Variants in PRELID2 observed in about 807,000 individuals in gnomAD.
PRELID2 encodes PRELI domain-containing protein 2.
A neutral mutation model predicts 28.4 loss-of-function variants in PRELID2; 25 were observed. That is an observed-to-expected ratio of 0.88 (90% CI 0.64 to 1.23). The LOEUF is 1.23. Ranked by LOEUF, PRELID2 falls within the 50% of genes most tolerant of loss-of-function variation. The pLI is 0.00. For synonymous variants in PRELID2, 76 were observed against 71.6 expected (o/e 1.06, Z -0.31); for missense variants, 201 against 214.4 (o/e 0.94, Z 0.39).
chr5:145,505,234 A>T (rs572096232), intron 1 of PRELID2, among the ~76,000 whole-genome samples: 1 of 152,208 alleles, frequency 6.6e-6, no homozygotes, highest in Non-Finnish European at 1.5e-5. Flanking sequence ...GAGAAAAAAC[A>T]CATTTACTAC....
At chr5:145,685,904 G>A (rs1443773896) in intron 1 of PRELID2, among the ~76,000 whole-genome samples, 3 of 152,120 alleles carry the variant, frequency 2.0e-5, no homozygotes, top group Admixed American at 6.6e-5. Flanking sequence ...TCTCCTCCAA[G>A]ATTTTCTGAG....
chr5:145,622,605 A>C (rs1362933101), intron 1 of PRELID2, among the ~76,000 whole-genome samples: 1 of 152,150 alleles, frequency 6.6e-6, no homozygotes, highest in Non-Finnish European at 1.5e-5. Flanking sequence ...AATAGCATAA[A>C]CTTGGGAGGG....
chr5:145,623,923 C>T (rs1445330457), intron 1 of PRELID2, among the ~76,000 whole-genome samples: 2 of 152,156 alleles, frequency 1.3e-5, no homozygotes, highest in African/African-American at 4.8e-5. Flanking sequence ...CACAAGACTG[C>T]CTTCATTTCA....
At chr5:145,308,225 G>A in the PRELID2 span, among the ~76,000 whole-genome samples, 2 of 152,046 alleles carry the variant, frequency 1.3e-5, no homozygotes, top group Non-Finnish European at 2.9e-5. Context: ...GCAGTCCCAG[G>A]ATATGCACAT....
the PRELID2 span, among the ~76,000 whole-genome samples, chr5:145,446,831 G>A: frequency 2.6e-5 from 4 of 152,066 alleles, no homozygotes; most frequent in African/African-American, 9.7e-5. Flanking sequence ...TGGATCACCT[G>A]AGATCAGGAG....
rs1462007196 is a variant in PRELID2, at chr5:145,740,617, T to TATATATAA, written n.70+24313_70+24314insTTATATAT. Among the ~76,000 whole-genome samples, 46 of 7,420 alleles carry TATATATAA rather than the reference T, an allele frequency of 6.2e-3. 1 individual carries two copies. In the South Asian group the frequency reaches 0.11, roughly 17 times the overall value. 4.9% of individuals were successfully genotyped at this position (7,420 alleles called of 152,430 possible). A position where few individuals can be genotyped will look rare whatever the true frequency, so the allele number is the denominator to read the frequency against. The stretch of plus-strand genomic sequence containing the variant: ...AATATATATATATTATATATATAAA[T>TATATATAA]ATATATATATTATATATATAAATAT... On this transcript the variant is annotated intron_variant and non_coding_transcript_variant, in intron 1 of 2. Coordinates refer to the PRELID2 transcript ENST00000510259.
At chr5:145,576,422 TC>T (rs1448667896) in intron 1 of PRELID2, among the ~76,000 whole-genome samples, 1 of 152,172 alleles carries the variant, frequency 6.6e-6, no homozygotes, top group African/African-American at 2.4e-5. Flanking sequence ...TCAAGGCTCA[TC>T]CATGTTGCAG....
chr5:145,738,942 G>A (rs2048913425), intron 1 of PRELID2, among the ~76,000 whole-genome samples: 1 of 152,162 alleles, frequency 6.6e-6, no homozygotes, highest in Non-Finnish European at 1.5e-5. Context: ...AAAACTGTGA[G>A]AGGGAAACAT....
At chr5:145,649,718 T>A (rs1269644513) in intron 1 of PRELID2, among the ~76,000 whole-genome samples, 3 of 152,216 alleles carry the variant, frequency 2.0e-5, no homozygotes, top group African/African-American at 7.2e-5. Context: ...AGTGATTGCA[T>A]TTCAAGGCTC....
intron 1 of PRELID2, among the ~76,000 whole-genome samples, chr5:145,577,362 G>A (rs909937104): frequency 1.3e-4 from 19 of 151,940 alleles, no homozygotes; most frequent in Admixed American, 1.2e-3. Flanking sequence ...TCAATGAAAT[G>A]AAGAAAACAA....
chr5:145,782,442 G>A (rs574083943), intron 5 of PRELID2, among the ~76,000 whole-genome samples: 2 of 152,300 alleles, frequency 1.3e-5, no homozygotes, highest in African/African-American at 4.8e-5. Flanking sequence ...GTTCCAGAAG[G>A]TAACTGGGAA....
chr5:145,333,484 T>C, the PRELID2 span, among the ~76,000 whole-genome samples: 2 of 152,172 alleles, frequency 1.3e-5, no homozygotes, highest in Non-Finnish European at 2.9e-5. Flanking sequence ...AGGAGGAATC[T>C]AGAGAGGCAG....
At chr5:145,321,965 G>A in the PRELID2 span, among the ~76,000 whole-genome samples, 289 of 152,318 alleles carry the variant, frequency 1.9e-3, 8 homozygotes, top group East Asian at 0.045. Context: ...TGTGTACACT[G>A]AGGTTGAGAT....
chr5:145,745,890 T>A lies in PRELID2; in HGVS notation n.70+19041A>T, dbSNP rs527470844. Among the ~76,000 whole-genome samples, 10 of 147,096 alleles carry A rather than the reference T, an allele frequency of 6.8e-5. No individual in the cohort carries two copies. In the East Asian group the frequency reaches 2.0e-3, roughly 29 times the overall value. ...AAAAAAAAATGAAAAGAATTTTCAA[T>A]CCAGAATTTCATATCCAGCCAAACT... is the stretch of plus-strand genomic sequence containing the variant. On this transcript the variant is annotated intron_variant and non_coding_transcript_variant, in intron 1 of 2. Coordinates refer to the PRELID2 transcript ENST00000510259.
chr5:145,487,616 G>A (rs1455290743), intron 1 of PRELID2, among the ~76,000 whole-genome samples: 1 of 152,048 alleles, frequency 6.6e-6, no homozygotes, highest in Non-Finnish European at 1.5e-5. Flanking sequence ...CTTCAGGACA[G>A]TCCATCTTCT....
intron 1 of PRELID2, among the ~76,000 whole-genome samples, chr5:145,624,451 T>C (rs1263154796): frequency 6.6e-6 from 1 of 152,142 alleles, no homozygotes; most frequent in Admixed American, 6.5e-5. Context: ...AGTCATCTTG[T>C]TTGCATACAA....
the PRELID2 span, among the ~76,000 whole-genome samples, chr5:145,346,778 A>G: frequency 2.0e-5 from 3 of 152,154 alleles, no homozygotes; most frequent in South Asian, 6.2e-4. Context: ...TTTTAGCCTC[A>G]AAGCATTGAT....
intron 1 of PRELID2, among the ~76,000 whole-genome samples, chr5:145,503,205 A>T (rs1303450480): frequency 6.6e-6 from 1 of 152,104 alleles, no homozygotes; most frequent in Non-Finnish European, 1.5e-5. Flanking sequence ...AGGAGTGATC[A>T]TAACTATTTC....
chr5:145,409,650 A>T, the PRELID2 span, among the ~76,000 whole-genome samples: 1 of 151,674 alleles, frequency 6.6e-6, no homozygotes, highest in Non-Finnish European at 1.5e-5. Context: ...GTGGTGGCTC[A>T]TGCCTGTAAT....
Sources: allele counts gnomAD v4.1 joint callset (sites outside exome capture counted in the v4.1 genomes callset), GRCh38; gene constraint gnomAD v4.1.1; transcripts MANE v1.5; gene names NCBI Gene and HGNC (gene_info 2026-07-23, HGNC 2026-07-21).